The following RASGRP1 variants were observed in gnomAD, a reference collection of about 807,000 sequenced individuals.
RASGRP1 encodes RAS guanyl releasing protein 1.
RASGRP1 carries 37 observed loss-of-function variants against 95.1 expected under a neutral mutation model. That is an observed-to-expected ratio of 0.39 (90% CI 0.30 to 0.51). RASGRP1 has a LOEUF of 0.51. RASGRP1 is among the 20% of genes least tolerant of loss of function. The probability of loss-of-function intolerance (pLI) is 0.80; values close to 1 mark genes in which losing one functional copy is unlikely to be tolerated. For missense variants in RASGRP1, 711 were observed against 965.4 expected (o/e 0.74, Z 3.49); for synonymous variants, 325 against 353.4 (o/e 0.92, Z 0.90).
chr15:38,518,014 AATATCTTGCTACCTG>A (rs1891855325), intron 5 of RASGRP1, among the ~76,000 whole-genome samples: 1 of 152,154 alleles, frequency 6.6e-6, no homozygotes, highest in Non-Finnish European at 1.5e-5. Flanking sequence ...AATTTTAGTC[AATATCTTGCTACCTG>A]ATTTCTTTTT....
rs868410294 is a variant in RASGRP1, at chr15:38,490,580, G to A, written c.2368C>T (p.Gln790Ter). 3 of 1,609,840 alleles carry A rather than the reference G, an allele frequency of 1.9e-6. No homozygotes were observed. Among genetic ancestry groups the A allele is most frequent in the Middle Eastern group, 1.7e-4 (1 of 6,036 alleles). ...QLEKSNHVLA[Q>*]MEQGDCS Reference sequence around the variant, plus strand: ...TAAGAACAGTCACCCTGCTCCATTTGAGCTAAGACATGATTGCTTTTTTCA... The same window carrying A: ...TAAGAACAGTCACCCTGCTCCATTTAAGCTAAGACATGATTGCTTTTTTCA... Residue 790 changes from glutamine to a stop codon, truncating the protein, a stop_gained, in exon 17 of 17, where the codon CAA becomes TAA. Coordinates refer to ENST00000310803, the MANE Select transcript of RASGRP1 (RefSeq NM_005739.4). LOFTEE classifies it high-confidence loss of function.
At chr15:38,503,087 T>C in intron 11 of RASGRP1, 185 bp downstream of exon 11, 1 of 597,676 alleles carries the variant, frequency 1.7e-6, no homozygotes, top group Non-Finnish European at 3.0e-6. Context: ...TGCCTTCATA[T>C]GAGTCCAGTG....
At chr15:38,533,612 T>C (rs1892529077) in intron 2 of RASGRP1, among the ~76,000 whole-genome samples, 1 of 152,186 alleles carries the variant, frequency 6.6e-6, no homozygotes, top group Non-Finnish European at 1.5e-5. Flanking sequence ...TTTGAACTTG[T>C]ATACCGTCTA....
chr15:38,564,635 G>T lies in RASGRP1; in HGVS notation c.-7C>A. 3 of 1,337,022 alleles carry T rather than the reference G, an allele frequency of 2.2e-6. No individual in the cohort carries two copies. Among genetic ancestry groups the T allele is most frequent in the Non-Finnish European group, 2.9e-6 (3 of 1,035,674 alleles). The allele number at this position is 1,337,022 out of a possible 1,614,324, so 82.8% of individuals were successfully genotyped here. A position where few individuals can be genotyped will look rare whatever the true frequency, so the allele number is the denominator to read the frequency against. ...CCTTGCCCAGGGTGCCCATGGCCGC[G>T]GCCCGCGCTCCCGGTGCCGGCTCAC... On this transcript the variant is annotated 5_prime_UTR_variant, in exon 1 of 17. Transcript: ENST00000310803.
intron 2 of RASGRP1, among the ~76,000 whole-genome samples, chr15:38,542,974 C>T (rs1892965153): frequency 6.9e-6 from 1 of 145,976 alleles, no homozygotes; most frequent in Admixed American, 6.9e-5. Flanking sequence ...TATATATTCC[C>T]CAAGTATTTT....
At position 38,544,936 on chromosome 15, in the gene RASGRP1, G is replaced by C. The variant is rs150628874; in HGVS notation, c.220+14885C>G. Reference sequence around the variant, plus strand: ...AGATATTTTGTCCAGTTTTATAGCTGTTGGTAGCAGGAAAATAATTCTAAT... The same window carrying C: ...AGATATTTTGTCCAGTTTTATAGCTCTTGGTAGCAGGAAAATAATTCTAAT... On this transcript the variant is annotated intron_variant, in intron 2 of 16. Coordinates refer to ENST00000310803, the MANE Select transcript of RASGRP1 (RefSeq NM_005739.4). Among the ~76,000 whole-genome samples the C allele has an allele frequency of 2.8e-3, 434 of 152,348 alleles. 6 individuals are homozygous for C. The highest frequency in any genetic ancestry group is 0.01 in the African/African-American group (416 of 41,576).
At chr15:38,497,055 C>T (rs1355921552) in intron 15 of RASGRP1, among the ~76,000 whole-genome samples, 1 of 152,148 alleles carries the variant, frequency 6.6e-6, no homozygotes, top group Non-Finnish European at 1.5e-5. Context: ...AAACTCATTT[C>T]TTATTTCCCT....
At chr15:38,546,610 T>C (rs1436403064) in intron 2 of RASGRP1, among the ~76,000 whole-genome samples, 1 of 152,188 alleles carries the variant, frequency 6.6e-6, no homozygotes, top group Non-Finnish European at 1.5e-5. Context: ...TGATAGAAAC[T>C]GAGTCTCCGA....
chr15:38,558,943 G>T (rs929685086), intron 2 of RASGRP1, among the ~76,000 whole-genome samples: 2 of 152,058 alleles, frequency 1.3e-5, no homozygotes, highest in Non-Finnish European at 2.9e-5. Flanking sequence ...GGGTAGGCTT[G>T]GGGGGGTTGG....
intron 2 of RASGRP1, among the ~76,000 whole-genome samples, chr15:38,531,490 ACTTTG>A (rs1415781352): frequency 2.1e-4 from 32 of 152,342 alleles, no homozygotes; most frequent in Non-Finnish European, 7.4e-5. Context: ...ACTCTTGTGA[ACTTTG>A]GTTGATGGAT....
chr15:38,532,942 TAAGAGG>T (rs1227685362), intron 2 of RASGRP1, among the ~76,000 whole-genome samples: 10 of 152,068 alleles, frequency 6.6e-5, no homozygotes, highest in African/African-American at 2.4e-4. Flanking sequence ...TCCTTGCTGA[TAAGAGG>T]TGGGGGCCAG....
At chr15:38,549,477 T>C (rs959969826) in intron 2 of RASGRP1, among the ~76,000 whole-genome samples, 10 of 152,192 alleles carry the variant, frequency 6.6e-5, no homozygotes, top group Admixed American at 5.9e-4. Context: ...TCCTATACCA[T>C]GATTCAGATA....
intron 1 of RASGRP1, among the ~76,000 whole-genome samples, chr15:38,562,285 A>G (rs1893839280): frequency 6.6e-6 from 1 of 152,214 alleles, no homozygotes; most frequent in African/African-American, 2.4e-5. Context: ...AGGCCCTCAG[A>G]ACTGTCCTCA....
chr15:38,549,710 C>G (rs1304675732), intron 2 of RASGRP1, among the ~76,000 whole-genome samples: 4 of 144,986 alleles, frequency 2.8e-5, no homozygotes, highest in Non-Finnish European at 6.0e-5. Flanking sequence ...TTGTCCATTT[C>G]AATGAATCAC....
At chr15:38,522,120 T>A (rs2141133121) in intron 3 of RASGRP1, among the ~76,000 whole-genome samples, 1 of 152,228 alleles carries the variant, frequency 6.6e-6, no homozygotes, top group Middle Eastern at 3.4e-3. Context: ...TAAACTAAGT[T>A]CTAGATACAA....
At chr15:38,552,487 C>T (rs1893379544) in intron 2 of RASGRP1, among the ~76,000 whole-genome samples, 1 of 152,106 alleles carries the variant, frequency 6.6e-6, no homozygotes, top group African/African-American at 2.4e-5. Flanking sequence ...TTGTTGATTT[C>T]CACGGTGTAA....
intron 1 of RASGRP1, among the ~76,000 whole-genome samples, chr15:38,562,454 C>T (rs1195928619): frequency 6.6e-6 from 1 of 152,218 alleles, no homozygotes; most frequent in East Asian, 1.9e-4. Flanking sequence ...CAGGTGGGCG[C>T]CCTTCCCTTC....
rs372568458 is a variant in RASGRP1 at position 38,507,995 on chromosome 15, C to T, written c.973G>A (p.Gly325Ser). 1.9e-5 allele frequency: 30 copies of T among 1,601,434 alleles called. No homozygotes were observed. The highest frequency in any genetic ancestry group is 2.7e-5 in the African/African-American group (2 of 74,606). The change falls in exon 9 of 17, where the codon GGT becomes AGT. Residue 325 changes from glycine (G) to serine (S), a missense_variant. By Grantham distance (56) the Gly-to-Ser change is moderately conservative. This residue lies in a region of RASGRP1 where 491 missense variants were observed against 676.6 expected (regional missense o/e 0.73). Coordinates refer to ENST00000310803, the MANE Select transcript of RASGRP1 (RefSeq NM_005739.4). The part of the protein sequence containing the change: ...HVPHEINKVL[G>S]EMTELLSSSR... ...GAGGACAGCAGCTCAGTCATCTCAC[C>T]GAGAACCTACAAAGCAGAACAGACC...
At position 38,564,700 on chromosome 15, in the gene RASGRP1, C is replaced by A; in HGVS notation, c.-72G>T. On this transcript the variant is annotated 5_prime_UTR_variant, in exon 1 of 17. Coordinates refer to ENST00000310803, the MANE Select transcript of RASGRP1 (RefSeq NM_005739.4). ...CGCGGCGCATCGCCCCCGCCACCAC[C>A]GCCGCCGCCTGCCGGCTCTCTCCCC... 2 of 1,163,234 alleles carry A rather than the reference C, an allele frequency of 1.7e-6. No individual in the cohort carries two copies. 72.1% of individuals were successfully genotyped at this position (1,163,234 alleles called of 1,614,324 possible).
Sources: gnomAD v4.1 joint callset for allele counts (sites outside exome capture counted in the v4.1 genomes callset) on GRCh38, gnomAD v4.1.1 for gene constraint, gnomAD v4.1.1 regional missense constraint, MANE v1.5 for transcripts, NCBI Gene and HGNC (gene_info 2026-07-23, HGNC 2026-07-21) for gene names.